The following TESK2 variants were observed in gnomAD, a reference collection of about 807,000 sequenced individuals.
TESK2 encodes testis associated actin remodelling kinase 2, also known as dual specificity testis-specific protein kinase 2.
Under a neutral mutation model 57.1 loss-of-function variants are expected in TESK2, and 39 were observed. That is an observed-to-expected ratio of 0.68 (90% CI 0.53 to 0.89). The LOEUF is 0.89. Ranked by LOEUF, TESK2 falls within the 40% of genes least tolerant of loss-of-function variation. The pLI, the probability that TESK2 is intolerant of heterozygous loss-of-function variation, is 0.00. For missense variants in TESK2, 646 were observed against 732.1 expected (o/e 0.88, Z 1.36); for synonymous variants, 249 against 267.9 (o/e 0.93, Z 0.69).
intron 3 of TESK2, chr1:45,415,038 T>C: frequency 2.6e-6 from 3 of 1,156,970 alleles, no homozygotes; most frequent in South Asian, 2.5e-5. Context: ...AACCCCACCA[T>C]GTTCTTCAAC....
intron 2 of TESK2, among the ~76,000 whole-genome samples, chr1:45,444,328 C>T (rs1431012293): frequency 6.6e-6 from 1 of 152,076 alleles, no homozygotes. Flanking sequence ...TTATATGCAA[C>T]CAAAAATAAA....
intron 3 of TESK2, among the ~76,000 whole-genome samples, chr1:45,387,210 T>C (rs1648935512): frequency 6.6e-6 from 1 of 152,160 alleles, no homozygotes; most frequent in Non-Finnish European, 1.5e-5. Flanking sequence ...CAATTGGAAG[T>C]AAATAAACTT....
intron 2 of TESK2, among the ~76,000 whole-genome samples, chr1:45,427,453 G>A (rs1355150438): frequency 6.6e-6 from 1 of 152,114 alleles, no homozygotes; most frequent in Non-Finnish European, 1.5e-5. Context: ...ATACATATCT[G>A]CACTTCCATG....
At position 45,345,244 on chromosome 1, in the gene TESK2, T is replaced by C. The variant is rs779367877; in HGVS notation, c.1312A>G (p.Met438Val). 2 of 1,614,060 alleles carry C rather than the reference T, an allele frequency of 1.2e-6. No individual in the cohort carries two copies. The highest frequency in any genetic ancestry group is 4.5e-5 in the East Asian group (2 of 44,890). ...FDLDAPGPGT[M>V]PLADWQEPLA... is the part of the protein sequence containing the mutation. ...GGCTCCTGCCAGTCAGCCAGGGGCA[T>C]AGTTCCGGGCCCTGGTGCATCCAGG... The change falls in exon 11 of 11, where the codon ATG becomes GTG. Residue 438 changes from methionine to valine, a missense_variant. Transcript: ENST00000372086.
intron 4 of TESK2, chr1:45,385,385 G>A (rs1648846631): frequency 1.0e-6 from 1 of 977,026 alleles, no homozygotes; most frequent in Non-Finnish European, 1.2e-6. Context: ...AATGAAACGA[G>A]AATGAAGATG....
intron 4 of TESK2, among the ~76,000 whole-genome samples, chr1:45,357,238 TAA>T (rs1491421432): frequency 6.0e-4 from 90 of 150,740 alleles, no homozygotes; most frequent in African/African-American, 1.6e-3. Flanking sequence ...AATAAATAAA[TAA>T]ATGTATGTAT....
At chr1:45,474,168 T>C (rs1359373466) in intron 1 of TESK2, among the ~76,000 whole-genome samples, 1 of 152,040 alleles carries the variant, frequency 6.6e-6, no homozygotes, top group African/African-American at 2.4e-5. Flanking sequence ...ACCCTATCTC[T>C]ACCAAAAATA....
intron 3 of TESK2, among the ~76,000 whole-genome samples, chr1:45,418,908 A>G (rs1650351873): frequency 6.6e-6 from 1 of 152,086 alleles, no homozygotes; most frequent in Non-Finnish European, 1.5e-5. Context: ...CTATGTAATC[A>G]CAAAAATTAA....
chr1:45,418,981 C>CT (rs201981155), intron 3 of TESK2, among the ~76,000 whole-genome samples: 9,124 of 141,080 alleles, frequency 0.065, 746 homozygotes, highest in African/African-American at 0.19. Context: ...TTCCCTGACC[C>CT]TTTTTTTTTT....
At chr1:45,406,424 T>C (rs1441548511) in intron 3 of TESK2, among the ~76,000 whole-genome samples, 1 of 152,066 alleles carries the variant, frequency 6.6e-6, no homozygotes, top group Non-Finnish European at 1.5e-5. Flanking sequence ...AGTGGGATGA[T>C]CACTTGAGGC....
At chr1:45,370,747 T>G (rs180756680) in intron 4 of TESK2, among the ~76,000 whole-genome samples, 4 of 152,022 alleles carry the variant, frequency 2.6e-5, no homozygotes, top group Admixed American at 1.3e-4. Context: ...TGAAAGAGGT[T>G]CAGTACAGCT....
chr1:45,429,938 T>C (rs1337235279), intron 2 of TESK2, among the ~76,000 whole-genome samples: 1 of 152,226 alleles, frequency 6.6e-6, no homozygotes, highest in Non-Finnish European at 1.5e-5. Flanking sequence ...TCTGCTTTTT[T>C]AAGCCCTTCT....
chr1:45,382,135 A>T (rs1380694897), intron 4 of TESK2, among the ~76,000 whole-genome samples: 1 of 152,084 alleles, frequency 6.6e-6, no homozygotes, highest in Non-Finnish European at 1.5e-5. Context: ...ACCTCCTAAA[A>T]GTGTTGGGAT....
chr1:45,411,990 C>A (rs892476327), intron 3 of TESK2, among the ~76,000 whole-genome samples: 31 of 152,122 alleles, frequency 2.0e-4, no homozygotes, highest in Non-Finnish European at 1.9e-4. Context: ...CTGGTCCATT[C>A]TCATTAAACA....
intron 3 of TESK2, among the ~76,000 whole-genome samples, chr1:45,392,054 C>T (rs935254253): frequency 5.9e-5 from 9 of 152,206 alleles, no homozygotes; most frequent in Non-Finnish European, 1.2e-4. Context: ...ATTTCTGACT[C>T]CTTCCCCAGA....
At chr1:45,484,157 G>A (rs1653357558) in intron 1 of TESK2, among the ~76,000 whole-genome samples, 1 of 139,726 alleles carries the variant, frequency 7.2e-6, no homozygotes, top group Non-Finnish European at 1.5e-5. Context: ...CGCCTAAGCT[G>A]GAGTACAGCG....
intron 1 of TESK2, among the ~76,000 whole-genome samples, chr1:45,477,527 C>T (rs963107264): frequency 2.6e-5 from 4 of 151,680 alleles, no homozygotes; most frequent in Non-Finnish European, 4.4e-5. Flanking sequence ...GAGGCTGAGA[C>T]GGGAGAATCA....
chr1:45,403,565 A>G lies in TESK2; in HGVS notation c.345-17605T>C, dbSNP rs149863760. On this transcript the variant is annotated intron_variant, in intron 3 of 10. Transcript: ENST00000372086. ...GTTTTTAACAGTCCAATTTTAAGAC[A>G]GCCAAAGGCAGAACAAACATTGCTT... is the stretch of plus-strand genomic sequence containing the variant. Among the ~76,000 whole-genome samples, 184 of 152,316 alleles carry G rather than the reference A, an allele frequency of 1.2e-3. 2 individuals are homozygous for G. The highest frequency in any genetic ancestry group is 1.4e-3 in the Non-Finnish European group (96 of 68,026).
chr1:45,357,484 T>C (rs1025663268), intron 4 of TESK2, among the ~76,000 whole-genome samples: 29 of 151,092 alleles, frequency 1.9e-4, no homozygotes, highest in African/African-American at 7.0e-4. Context: ...GATAAGGTTA[T>C]GGAGAAACTA....
Sources: allele counts gnomAD v4.1 joint callset (sites outside exome capture counted in the v4.1 genomes callset), GRCh38; gene constraint gnomAD v4.1.1; transcripts MANE v1.5; gene names NCBI Gene and HGNC (gene_info 2026-07-23, HGNC 2026-07-21).